Variants in SCUBE1 observed in about 807,000 individuals in gnomAD.
SCUBE1 encodes signal peptide, CUB and EGF-like domain-containing protein 1.
A neutral mutation model predicts 124.4 loss-of-function variants in SCUBE1; 59 were observed. That is an observed-to-expected ratio of 0.47 (90% CI 0.38 to 0.59). The LOEUF (loss-of-function observed/expected upper bound fraction) is 0.59, where lower values mean the gene tolerates loss of function less well. SCUBE1 is among the 20% of genes least tolerant of loss of function. The probability of loss-of-function intolerance (pLI) is 0.00; values close to 1 mark genes in which losing one functional copy is unlikely to be tolerated. For missense variants in SCUBE1, 1,150 were observed against 1,371.2 expected (o/e 0.84, Z 2.55); for synonymous variants, 545 against 550.9 (o/e 0.99, Z 0.15).
chr22:43,247,854 C>T (rs1296272259), intron 6 of SCUBE1, among the ~76,000 whole-genome samples: 1 of 152,214 alleles, frequency 6.6e-6, no homozygotes, highest in Non-Finnish European at 1.5e-5. Flanking sequence ...GGGCACCTTC[C>T]ATTACAGCTC....
chr22:43,280,360 C>T (rs903917811), intron 4 of SCUBE1, among the ~76,000 whole-genome samples: 2 of 151,662 alleles, frequency 1.3e-5, no homozygotes, highest in Non-Finnish European at 2.9e-5. Flanking sequence ...CGAGAGTCAG[C>T]TCACCAAGTC....
rs370765053 is a variant in SCUBE1 at position 43,283,989 on chromosome 22, G to C, written c.484+7057C>G. 3.9e-4 allele frequency among the ~76,000 whole-genome samples: 60 copies of C among 152,342 alleles called. No individual in the cohort carries two copies. In the East Asian group the frequency reaches 6.6e-3, roughly 17 times the overall value. On this transcript the variant is annotated intron_variant, in intron 4 of 21. Transcript: ENST00000360835. ...ATCCAGCAAATACTCAGAAATGAGTGGCAATGGCTCCCATGAGGCCGGCAG... is the reference window on the plus strand; with the variant it reads ...ATCCAGCAAATACTCAGAAATGAGTCGCAATGGCTCCCATGAGGCCGGCAG...
rs144754619 is a variant in SCUBE1, at chr22:43,239,238, T to G, written c.728-284A>C. On this transcript the variant is annotated intron_variant, in intron 6 of 21. Coordinates refer to ENST00000360835, the MANE Select transcript of SCUBE1 (RefSeq NM_173050.5). ...AGGGCTGTGCTTATACAGAGGCTGC[T>G]GCCAATAGGGTCAAAACTGCTATCT... 2.0e-4 allele frequency among the ~76,000 whole-genome samples: 30 copies of G among 152,352 alleles called. No individual in the cohort carries two copies. The East Asian group carries it at 5.8e-3, about 29-fold the overall frequency.
At chr22:43,204,229 G>A (rs1243461877) in intron 21 of SCUBE1, 80 bp from the exon 22 acceptor site, 7 of 1,315,200 alleles carry the variant, frequency 5.3e-6, no homozygotes, top group African/African-American at 1.5e-5. Flanking sequence ...TGGGGGAGGG[G>A]AGAGAGATGC....
intron 4 of SCUBE1, among the ~76,000 whole-genome samples, chr22:43,284,720 G>A (rs1451415127): frequency 1.3e-5 from 2 of 152,310 alleles, no homozygotes; most frequent in South Asian, 2.1e-4. Flanking sequence ...CCTGGCACAC[G>A]CAAGCATGCA....
intron 6 of SCUBE1, among the ~76,000 whole-genome samples, chr22:43,257,897 C>T (rs1308324057): frequency 6.6e-6 from 1 of 152,182 alleles, no homozygotes; most frequent in Non-Finnish European, 1.5e-5. Context: ...CCACACACAC[C>T]CTGCCTGGGG....
chr22:43,221,026 A>T (rs111346465), intron 13 of SCUBE1, 147 bp downstream of exon 13: 1 of 625,300 alleles, frequency 1.6e-6, no homozygotes, highest in Non-Finnish European at 2.8e-6. Flanking sequence ...TGTCCTTGGA[A>T]ACTCTCATTC....
chr22:43,225,360 TA>T (rs1413914544), intron 10 of SCUBE1, among the ~76,000 whole-genome samples: 1 of 152,116 alleles, frequency 6.6e-6, no homozygotes, highest in Admixed American at 6.5e-5. Flanking sequence ...AACATTTGCT[TA>T]AGAATTCAGG....
intron 6 of SCUBE1, among the ~76,000 whole-genome samples, chr22:43,243,419 C>G (rs4822266): frequency 0.094 from 14,252 of 152,322 alleles, 723 homozygotes; most frequent in Admixed American, 0.16. Context: ...TTTGGTCTCT[C>G]TCTGGGGAGC....
intron 2 of SCUBE1, among the ~76,000 whole-genome samples, chr22:43,324,044 T>C (rs1456762322): frequency 1.3e-5 from 2 of 152,222 alleles, no homozygotes; most frequent in African/African-American, 2.4e-5. Flanking sequence ...GCTATTTTAA[T>C]GGTGGTAAGG....
chr22:43,327,324 C>G (rs922400260), intron 2 of SCUBE1, among the ~76,000 whole-genome samples: 2 of 152,136 alleles, frequency 1.3e-5, no homozygotes, highest in African/African-American at 4.8e-5. Context: ...ATGTCTCTGT[C>G]ACAAGATCAC....
intron 3 of SCUBE1, among the ~76,000 whole-genome samples, chr22:43,304,533 C>CCT (rs201428139): frequency 3.5e-5 from 1 of 28,706 alleles, no homozygotes; most frequent in Non-Finnish European, 7.6e-5. Flanking sequence ...TCTCTCTAAG[C>CCT]CACGAGGACC....
chr22:43,217,083 CTCTTTACCAACAGCTT>C (rs1472320690), intron 15 of SCUBE1, among the ~76,000 whole-genome samples: 2 of 107,578 alleles, frequency 1.9e-5, no homozygotes, highest in African/African-American at 5.3e-5. Context: ...CAGGTGTCAC[CTCTTTACCAACAGCTT>C]CCCCCAACCC....
intron 3 of SCUBE1, among the ~76,000 whole-genome samples, chr22:43,304,590 GTGTGTGTGTGTC>G (rs1342959293): frequency 6.6e-6 from 1 of 152,110 alleles, no homozygotes; most frequent in African/African-American, 2.4e-5. Context: ...GGTTGGTCGT[GTGTGTGTGTGTC>G]TGTGTGTGTG....
intron 9 of SCUBE1, among the ~76,000 whole-genome samples, chr22:43,228,659 AC>A (rs1450308940): frequency 3.3e-5 from 5 of 150,670 alleles, no homozygotes; most frequent in South Asian, 4.2e-4. Flanking sequence ...GTGCCTCCCT[AC>A]CCCCAGCCAA....
intron 2 of SCUBE1, among the ~76,000 whole-genome samples, chr22:43,336,242 G>C (rs989612951): frequency 1.3e-5 from 2 of 152,108 alleles, no homozygotes; most frequent in Admixed American, 1.3e-4. Context: ...CACATGAGAG[G>C]TGGGTTGCAA....
intron 3 of SCUBE1, among the ~76,000 whole-genome samples, chr22:43,309,727 C>T (rs1926103979): frequency 6.6e-6 from 1 of 152,192 alleles, no homozygotes; most frequent in African/African-American, 2.4e-5. Flanking sequence ...AGTCTGTCCT[C>T]CCCCTAGCCT....
At chr22:43,319,092 T>A (rs1926449968) in intron 3 of SCUBE1, among the ~76,000 whole-genome samples, 1 of 152,174 alleles carries the variant, frequency 6.6e-6, no homozygotes, top group Non-Finnish European at 1.5e-5. Flanking sequence ...TATAAAATCA[T>A]GGGCCAAATT....
intron 4 of SCUBE1, among the ~76,000 whole-genome samples, chr22:43,274,125 T>TGCA (rs1924404603): frequency 6.6e-6 from 1 of 152,156 alleles, no homozygotes; most frequent in Admixed American, 6.5e-5. Context: ...CCTGAGGTCT[T>TGCA]GCACCAGAGA....
Sources: gnomAD v4.1 joint callset for allele counts (sites outside exome capture counted in the v4.1 genomes callset) on GRCh38, gnomAD v4.1.1 for gene constraint, MANE v1.5 for transcripts, NCBI Gene and HGNC (gene_info 2026-07-23, HGNC 2026-07-21) for gene names.